Variants in POU2F1 observed in about 807,000 individuals in gnomAD.
POU2F1 encodes POU domain, class 2, transcription factor 1.
A neutral mutation model predicts 84.9 loss-of-function variants in POU2F1; 16 were observed. That is an observed-to-expected ratio of 0.19 (90% CI 0.13 to 0.29). The LOEUF is 0.29. POU2F1 is among the 10% of genes least tolerant of loss of function. The pLI is 1.00. For missense variants in POU2F1, 738 were observed against 942.6 expected (o/e 0.78, Z 2.84); for synonymous variants, 368 against 368.3 (o/e 1.00, Z 0.01).
intron 2 of POU2F1, among the ~76,000 whole-genome samples, chr1:167,356,297 G>A (rs535079234): frequency 3.3e-5 from 5 of 150,292 alleles, no homozygotes; most frequent in East Asian, 4.0e-4. Context: ...CACCCTGCCT[G>A]GCCACAAAGG....
intron 1 of POU2F1, among the ~76,000 whole-genome samples, chr1:167,239,099 C>T (rs1649717554): frequency 1.3e-5 from 2 of 152,096 alleles, no homozygotes; most frequent in Admixed American, 1.3e-4. Flanking sequence ...CCCAAATGGA[C>T]AGCCAACTGT....
chr1:167,401,438 TTC>T lies in POU2F1; in HGVS notation c.1450-11_1450-10del, dbSNP rs1339720825. 5.0e-6 allele frequency: 8 copies of T among 1,584,804 alleles called. No homozygotes were observed. Among genetic ancestry groups the T allele is most frequent in the Non-Finnish European group, 6.9e-6 (8 of 1,156,808 alleles). On this transcript the variant is annotated splice_polypyrimidine_tract_variant and intron_variant, in intron 12 of 15. Coordinates refer to ENST00000367866, the MANE Select transcript of POU2F1 (RefSeq NM_002697.4). ...TTAAGTGCTTTGTCCATGTTTTCAT[TTC>T]TGACCTCAAGGTGGCGACCACACCA...
chr1:167,261,175 A>C (rs1051026414), intron 1 of POU2F1, among the ~76,000 whole-genome samples: 1 of 152,208 alleles, frequency 6.6e-6, no homozygotes, highest in African/African-American at 2.4e-5. Flanking sequence ...TTAAAGAGGT[A>C]ATTGTTAAAA....
chr1:167,293,283 T>G (rs1283374490), intron 1 of POU2F1, among the ~76,000 whole-genome samples: 1 of 152,188 alleles, frequency 6.6e-6, no homozygotes, highest in Non-Finnish European at 1.5e-5. Context: ...CAGTAAAGTC[T>G]GAGGTTACAA....
chr1:167,353,278 A>G (rs767358034), intron 2 of POU2F1, among the ~76,000 whole-genome samples: 3 of 151,014 alleles, frequency 2.0e-5, no homozygotes, highest in Non-Finnish European at 4.4e-5. Context: ...AAAAAATTGT[A>G]GCTGTCTGAT....
intron 1 of POU2F1, among the ~76,000 whole-genome samples, chr1:167,331,978 T>G (rs1254966644): frequency 6.6e-6 from 1 of 152,130 alleles, no homozygotes; most frequent in Non-Finnish European, 1.5e-5. Flanking sequence ...TAGACGTGTT[T>G]TCTTTTAGTT....
intron 13 of POU2F1, among the ~76,000 whole-genome samples, chr1:167,410,859 A>G (rs1431592042): frequency 6.6e-6 from 1 of 152,158 alleles, no homozygotes; most frequent in Non-Finnish European, 1.5e-5. Flanking sequence ...TTTTTAAATT[A>G]CATATGTCTT....
At chr1:167,307,241 A>G (rs1655132820) in intron 1 of POU2F1, among the ~76,000 whole-genome samples, 1 of 152,204 alleles carries the variant, frequency 6.6e-6, no homozygotes, top group African/African-American at 2.4e-5. Context: ...ATCTGGCTTT[A>G]TGTCTGAACT....
intron 1 of POU2F1, among the ~76,000 whole-genome samples, chr1:167,261,269 C>T (rs1651549076): frequency 6.6e-6 from 1 of 152,116 alleles, no homozygotes; most frequent in Admixed American, 6.6e-5. Flanking sequence ...CCTTTGAGAT[C>T]TGCCCCTCTC....
At chr1:167,332,618 T>G in intron 2 of POU2F1, 83 bp downstream of exon 2, 2 of 1,131,240 alleles carry the variant, frequency 1.8e-6, no homozygotes, top group Non-Finnish European at 2.6e-6. Flanking sequence ...GACTTGTATT[T>G]GGCAAATACA....
intron 1 of POU2F1, among the ~76,000 whole-genome samples, chr1:167,258,172 A>G (rs1454980458): frequency 6.6e-6 from 1 of 152,218 alleles, no homozygotes; most frequent in Non-Finnish European, 1.5e-5. Context: ...TTATAGCTCC[A>G]GATGAATGAA....
At chr1:167,334,571 G>A (rs1657308446) in intron 2 of POU2F1, among the ~76,000 whole-genome samples, 1 of 152,142 alleles carries the variant, frequency 6.6e-6, no homozygotes, top group African/African-American at 2.4e-5. Context: ...AACACATTGT[G>A]TATGTCCAGA....
chr1:167,404,403 T>C lies in POU2F1; in HGVS notation c.1555+2847T>C, dbSNP rs1387111215. 2.6e-5 allele frequency among the ~76,000 whole-genome samples: 4 copies of C among 152,270 alleles called. No individual in the cohort carries two copies. In the East Asian group the frequency reaches 7.7e-4, roughly 29 times the overall value. Reference sequence around the variant, plus strand: ...CTGAATGGAAGGGCTCGCGGTGAGCTGTGAATGTGAATAAAGAACTGCCAA... The same window carrying C: ...CTGAATGGAAGGGCTCGCGGTGAGCCGTGAATGTGAATAAAGAACTGCCAA... On this transcript the variant is annotated intron_variant, in intron 13 of 15. Coordinates refer to ENST00000367866, the MANE Select transcript of POU2F1 (RefSeq NM_002697.4).
At chr1:167,414,700 T>C (rs925576820) in intron 15 of POU2F1, 1 of 985,270 alleles carries the variant, frequency 1.0e-6, no homozygotes, top group Non-Finnish European at 1.2e-6. Context: ...CCCACCTACA[T>C]CATTATGTCT....
chr1:167,299,532 C>A (rs76951685), intron 1 of POU2F1, among the ~76,000 whole-genome samples: 6 of 152,156 alleles, frequency 3.9e-5, no homozygotes. Flanking sequence ...GAATGTTCTA[C>A]GTGCAAGGAC....
chr1:167,282,148 T>C (rs1311372191), intron 1 of POU2F1, among the ~76,000 whole-genome samples: 1 of 121,718 alleles, frequency 8.2e-6, no homozygotes, highest in Non-Finnish European at 1.5e-5. Flanking sequence ...TTTTTTCTTA[T>C]TTTTTTTTTT....
In POU2F1 at chr1:167,239,497, C is replaced by A. The variant is rs571205363; in HGVS notation, c.61+18539C>A. Among the ~76,000 whole-genome samples, 11 of 152,298 alleles carry A rather than the reference C, an allele frequency of 7.2e-5. No individual in the cohort carries two copies. The East Asian group carries it at 1.4e-3, about 19-fold the overall frequency. Reference sequence around the variant, plus strand: ...TTAATTCGTACCACAGGTATACATACACATTGTAAACTGCTTTAGTGGCTT... The same window carrying A: ...TTAATTCGTACCACAGGTATACATAAACATTGTAAACTGCTTTAGTGGCTT... On this transcript the variant is annotated intron_variant, in intron 1 of 15. Transcript: ENST00000367866.
intron 1 of POU2F1, among the ~76,000 whole-genome samples, chr1:167,273,799 C>T (rs1163337589): frequency 1.3e-5 from 2 of 152,222 alleles, no homozygotes; most frequent in Non-Finnish European, 2.9e-5. Flanking sequence ...AACTTGTGGT[C>T]TTTCCCCTCT....
At chr1:167,404,552 A>G (rs542179558) in intron 13 of POU2F1, among the ~76,000 whole-genome samples, 8 of 152,312 alleles carry the variant, frequency 5.3e-5, no homozygotes, top group African/African-American at 1.9e-4. Flanking sequence ...TTAGCGTTCC[A>G]TAGTCAGATT....
Sources: allele counts gnomAD v4.1 joint callset (sites outside exome capture counted in the v4.1 genomes callset), GRCh38; gene constraint gnomAD v4.1.1; transcripts MANE v1.5; gene names NCBI Gene and HGNC (gene_info 2026-07-23, HGNC 2026-07-21).